Variants in CWH43 observed in about 807,000 individuals in gnomAD.
CWH43 encodes PGAP2-interacting protein.
Under a neutral mutation model 85.7 loss-of-function variants are expected in CWH43, and 91 were observed. The ratio of observed to expected loss-of-function variants is 1.06; its 90% CI spans 0.90 to 1.26. The LOEUF is 1.26. Ranked by LOEUF, CWH43 falls within the 50% of genes most tolerant of loss-of-function variation. The pLI is 0.00. For synonymous variants in CWH43, 323 were observed against 293.6 expected, an observed-to-expected ratio of 1.10 and a Z score of -1.02; for missense variants, 869 against 839.2, an observed-to-expected ratio of 1.04 and a Z score of -0.44.
At chr4:49,041,627 G>A (rs1009861213) in intron 13 of CWH43, among the ~76,000 whole-genome samples, 14 of 152,186 alleles carry the variant, frequency 9.2e-5, no homozygotes, top group South Asian at 2.1e-4. Context: ...TTGCTCATCC[G>A]CTTAAGGAGA....
intron 15 of CWH43, among the ~76,000 whole-genome samples, chr4:49,060,587 T>G (rs1785122059): frequency 1.3e-5 from 2 of 152,284 alleles, no homozygotes; most frequent in Non-Finnish European, 2.9e-5. Context: ...AGAGTATCTA[T>G]CTCTCTACTT....
At chr4:49,055,101 G>A (rs1245637133) in intron 15 of CWH43, among the ~76,000 whole-genome samples, 2 of 152,052 alleles carry the variant, frequency 1.3e-5, no homozygotes, top group Non-Finnish European at 2.9e-5. Context: ...CAGAGAAAAA[G>A]CTTTCAACTT....
chr4:49,008,846 G>A (rs1783253524), intron 8 of CWH43, among the ~76,000 whole-genome samples: 1 of 152,218 alleles, frequency 6.6e-6, no homozygotes, highest in African/African-American at 2.4e-5. Flanking sequence ...ATCTGTTTTG[G>A]TATGAGTACC....
At chr4:48,997,902 T>C (rs1428951370) in intron 5 of CWH43, among the ~76,000 whole-genome samples, 1 of 152,224 alleles carries the variant, frequency 6.6e-6, no homozygotes, top group Non-Finnish European at 1.5e-5. Flanking sequence ...CTAGCTATTA[T>C]TGTTTCTGGG....
chr4:49,056,534 A>G (rs1784969101), intron 15 of CWH43, among the ~76,000 whole-genome samples: 1 of 152,022 alleles, frequency 6.6e-6, no homozygotes, highest in Admixed American at 6.5e-5. Flanking sequence ...CTGATTTATA[A>G]TTTTATTAAT....
rs377699088 is a variant in CWH43, at chr4:49,038,110, T to G, written c.1733T>G (p.Phe578Cys). Reference sequence around the variant, plus strand: ...AAAAGTAGCTCTAATCAAGTGATATTTCTGGGATATATCACTTCAGCACCT... The same window carrying G: ...AAAAGTAGCTCTAATCAAGTGATATGTCTGGGATATATCACTTCAGCACCT... ...LLKSSSNQVI[F>C]LGYITSAPGS... Residue 578 changes from phenylalanine to cysteine, a missense_variant, in exon 13 of 16, where the codon TTT (phenylalanine) becomes TGT (cysteine). Phe to Cys is a radical substitution (Grantham distance 205, BLOSUM62 -2). Around this residue, in one of 3 missense-constraint regions of CWH43, gnomAD observed 577 missense variants for 513.1 expected, o/e 1.12. Coordinates refer to ENST00000226432, the MANE Select transcript of CWH43 (RefSeq NM_025087.3). 1.2e-6 allele frequency: 2 copies of G among 1,611,716 alleles called. No homozygotes were observed. Among genetic ancestry groups the G allele is most frequent in the Non-Finnish European group, 8.5e-7 (1 of 1,178,144 alleles).
chr4:49,046,147 CTTG>C (rs1011765304), intron 14 of CWH43, among the ~76,000 whole-genome samples: 34 of 152,098 alleles, frequency 2.2e-4, no homozygotes, highest in Non-Finnish European at 4.4e-4. Flanking sequence ...AGAATGCATT[CTTG>C]TTGTTAAGTG....
At chr4:49,012,248 T>C (rs1783388683) in intron 8 of CWH43, among the ~76,000 whole-genome samples, 1 of 152,218 alleles carries the variant, frequency 6.6e-6, no homozygotes, top group East Asian at 1.9e-4. Context: ...GATATCCTCC[T>C]TCCACTTGAT....
intron 4 of CWH43, 81 bp from the exon 5 acceptor site, chr4:48,994,538 C>G: frequency 8.5e-7 from 1 of 1,179,978 alleles, no homozygotes; most frequent in Non-Finnish European, 1.2e-6. Context: ...ACCATTTCTT[C>G]CTTGCTAAAA....
At chr4:49,037,448 T>C (rs2109816116) in intron 12 of CWH43, among the ~76,000 whole-genome samples, 1 of 152,258 alleles carries the variant, frequency 6.6e-6, no homozygotes, top group East Asian at 1.9e-4. Context: ...TGTGCACCTG[T>C]CATGCCAGTT....
At chr4:49,004,776 AT>A (rs1232142396) in intron 7 of CWH43, among the ~76,000 whole-genome samples, 2 of 152,192 alleles carry the variant, frequency 1.3e-5, no homozygotes, top group Non-Finnish European at 2.9e-5. Flanking sequence ...GAACAAATAT[AT>A]TTACCATTTT....
At chr4:48,991,686 C>G in intron 3 of CWH43, 112 bp downstream of exon 3, 1 of 1,262,296 alleles carries the variant, frequency 7.9e-7, no homozygotes, top group Non-Finnish European at 1.1e-6. Context: ...ATGGCTTTGT[C>G]AAAGTCTCCT....
rs202171691 is a variant in CWH43 at position 48,991,534 on chromosome 4, G to C, written c.316G>C (p.Val106Leu). 3 of 1,614,048 alleles carry C rather than the reference G, an allele frequency of 1.9e-6. No homozygotes were observed. Among genetic ancestry groups the C allele is most frequent in the Admixed American group, 1.7e-5 (1 of 59,996 alleles). The change falls in exon 3 of 16, where the codon GTG (valine) becomes CTG (leucine). Residue 106 changes from valine (V) to leucine (L), a missense_variant. Val to Leu is a conservative substitution (Grantham distance 32, BLOSUM62 1). This residue lies in a region of CWH43 where 140 missense variants were observed against 122.6 expected (regional missense o/e 1.14). Coordinates refer to ENST00000226432, the MANE Select transcript of CWH43 (RefSeq NM_025087.3). ...GCTTGGGGTGTCTTCCTCACTGATA[G>C]TGCAAGCTGTGACTTGGTGGTCAGG... ...LALGVSSSLI[V>L]QAVTWWSGSH...
chr4:49,031,156 T>C, intron 11 of CWH43, 196 bp downstream of exon 11: 2 of 504,714 alleles, frequency 4.0e-6, no homozygotes, highest in Non-Finnish European at 6.7e-6. Flanking sequence ...TATTTCCAGT[T>C]CTTCAGCATT....
chr4:49,061,037 A>T (rs1785143018), intron 15 of CWH43, among the ~76,000 whole-genome samples: 1 of 152,186 alleles, frequency 6.6e-6, no homozygotes, highest in Non-Finnish European at 1.5e-5. Flanking sequence ...ATTTCATTGT[A>T]TGGATGCACC....
At chr4:49,041,471 G>C (rs1423885155) in intron 13 of CWH43, among the ~76,000 whole-genome samples, 2 of 152,154 alleles carry the variant, frequency 1.3e-5, no homozygotes, top group African/African-American at 4.8e-5. Context: ...TCCCTTGTAA[G>C]TTGGATTCCT....
intron 15 of CWH43, among the ~76,000 whole-genome samples, chr4:49,058,952 T>C (rs1785053656): frequency 6.6e-6 from 1 of 152,188 alleles, no homozygotes; most frequent in Admixed American, 6.5e-5. Flanking sequence ...GCACTCTCTT[T>C]ATATTTAATA....
chr4:49,049,056 T>C (rs1325917125), intron 14 of CWH43, among the ~76,000 whole-genome samples: 2 of 152,180 alleles, frequency 1.3e-5, no homozygotes, highest in African/African-American at 4.8e-5. Context: ...TTTTGGTGTA[T>C]TTTTGAAGGC....
At position 49,016,738 on chromosome 4, in the gene CWH43, C is replaced by G. The variant is rs1783559731; in HGVS notation, c.1187-511C>G. 12 of 777,180 alleles carry G rather than the reference C, an allele frequency of 1.5e-5. No homozygotes were observed. In the South Asian group the frequency reaches 1.6e-4, roughly 10 times the overall value. The allele number at this position is 777,180 out of a possible 1,614,324, so 48.1% of individuals were successfully genotyped here. Reference sequence around the variant, plus strand: ...TTTGCCTGCTCGAAAACAACCTTCTCAGTGATGCCAGCTTCCCTTGCATCT... The same window carrying G: ...TTTGCCTGCTCGAAAACAACCTTCTGAGTGATGCCAGCTTCCCTTGCATCT... On this transcript the variant is annotated intron_variant, in intron 8 of 15. Transcript: ENST00000226432.
Sources: gnomAD v4.1 joint callset for allele counts (sites outside exome capture counted in the v4.1 genomes callset) on GRCh38, gnomAD v4.1.1 for gene constraint, gnomAD v4.1.1 regional missense constraint, MANE v1.5 for transcripts, NCBI Gene and HGNC (gene_info 2026-07-23, HGNC 2026-07-21) for gene names.